The following DOCK9 variants were observed in gnomAD, a reference collection of about 807,000 sequenced individuals.
The protein encoded by DOCK9 is dedicator of cytokinesis protein 9.
A neutral mutation model predicts 263.3 loss-of-function variants in DOCK9; 89 were observed. That is an observed-to-expected ratio of 0.34 (90% CI 0.28 to 0.40). The LOEUF is 0.40. DOCK9 is among the 10% of genes least tolerant of loss of function. The probability of loss-of-function intolerance (pLI) is 1.00; values close to 1 mark genes in which losing one functional copy is unlikely to be tolerated. For missense variants in DOCK9, 2,140 were observed against 2,603.4 expected (o/e 0.82, Z 3.87); for synonymous variants, 976 against 973.1 (o/e 1.00, Z -0.06).
chr13:98,999,403 A>T (rs958544525), intron 1 of DOCK9, among the ~76,000 whole-genome samples: 1 of 152,184 alleles, frequency 6.6e-6, no homozygotes, highest in Non-Finnish European at 1.5e-5. Flanking sequence ...AAATAGTTTT[A>T]AATTGGCTTT....
At chr13:99,082,344 C>A (rs963417704) in intron 1 of DOCK9, among the ~76,000 whole-genome samples, 1 of 151,896 alleles carries the variant, frequency 6.6e-6, no homozygotes, top group Non-Finnish European at 1.5e-5. Context: ...TTGGCAAAAC[C>A]CCGTCTCTAC....
rs1880421827 is a variant in DOCK9 at position 98,993,994 on chromosome 13, T to C, written c.130-38443A>G. ...TAATGTGAGATTGCGGGCAATCCAA[T>C]TCACAGGAGTAAATGTGTGATTGAA... On this transcript the variant is annotated intron_variant, in intron 1 of 32. Coordinates refer to the DOCK9 transcript ENST00000427887. Among the ~76,000 whole-genome samples, 2 of 152,190 alleles carry C rather than the reference T, an allele frequency of 1.3e-5. 1 individual carries two copies.
chr13:98,985,827 C>A (rs1398916678), intron 1 of DOCK9, among the ~76,000 whole-genome samples: 1 of 152,168 alleles, frequency 6.6e-6, no homozygotes, highest in Non-Finnish European at 1.5e-5. Flanking sequence ...AGGGGGCTAT[C>A]CCCCTACCCC....
chr13:98,818,887 A>G (rs1423497645), intron 45 of DOCK9, among the ~76,000 whole-genome samples: 1 of 152,144 alleles, frequency 6.6e-6, no homozygotes, highest in Non-Finnish European at 1.5e-5. Flanking sequence ...GCATGAGCCT[A>G]TGTCTGTGCA....
chr13:98,859,751 G>GTATATATATATATATATATATATATATA (rs544974823), intron 33 of DOCK9: 1 of 139,384 alleles, frequency 7.2e-6, no homozygotes, highest in Non-Finnish European at 1.5e-5. Context: ...GTGTGTGTGT[G>GTATATATATATATATATATATATATATA]TGTATATATA....
intron 40 of DOCK9, 42 bp from the exon 41 acceptor site, chr13:98,831,572 G>C: frequency 6.3e-7 from 1 of 1,591,190 alleles, no homozygotes; most frequent in Non-Finnish European, 8.6e-7. Context: ...CCACAGACAG[G>C]TCAGTGCTCG....
chr13:98,970,308 T>C (rs2059610442), intron 1 of DOCK9, among the ~76,000 whole-genome samples: 1 of 152,148 alleles, frequency 6.6e-6, no homozygotes, highest in Admixed American at 6.5e-5. Context: ...CGTCTCTGTT[T>C]TAGAAAGAGT....
chr13:98,906,253 A>G (rs1368966310), intron 9 of DOCK9, among the ~76,000 whole-genome samples: 2 of 152,038 alleles, frequency 1.3e-5, no homozygotes, highest in Non-Finnish European at 2.9e-5. Flanking sequence ...AGAGGGTGAA[A>G]GTGAGTCTGA....
At position 98,837,677 on chromosome 13, in the gene DOCK9, G is replaced by A. The variant is rs1210192660; in HGVS notation, c.4199-68C>T. 4.9e-6 allele frequency: 5 copies of A among 1,025,162 alleles called. No individual in the cohort carries two copies. In the African/African-American group the frequency reaches 8.7e-5, roughly 18 times the overall value. 63.5% of individuals were successfully genotyped at this position (1,025,162 alleles called of 1,614,324 possible). A position where few individuals can be genotyped will look rare whatever the true frequency, so the allele number is the denominator to read the frequency against. On this transcript the variant is annotated intron_variant, in intron 38 of 52. Transcript: ENST00000682017. ...AGGCAAGGCTGGCAGGATGCGGTAG[G>A]CACAGTCAACTTTTGATTATTCAGA...
At chr13:98,831,608 A>C in intron 40 of DOCK9, 41 bp downstream of exon 40, 1 of 1,604,558 alleles carries the variant, frequency 6.2e-7, no homozygotes, top group South Asian at 1.1e-5. Flanking sequence ...ATTCCGGGGG[A>C]AGAAGGAAAA....
In DOCK9 at chr13:98,873,286, A is replaced by C. The variant is rs74111315; in HGVS notation, c.2944-4909T>G. 9.1e-4 allele frequency among the ~76,000 whole-genome samples: 138 copies of C among 152,342 alleles called. 1 individual carries two copies. The highest frequency in any genetic ancestry group is 3.1e-3 in the African/African-American group (128 of 41,568). On this transcript the variant is annotated intron_variant, in intron 27 of 52. Coordinates refer to ENST00000682017, the MANE Select transcript of DOCK9 (RefSeq NM_001366683.2). ...AAAAGCTTAGGCTTATGGTTTCAGCAGATTGGTACTCACAAATCTATTTCT... is the reference window on the plus strand; with the variant it reads ...AAAAGCTTAGGCTTATGGTTTCAGCCGATTGGTACTCACAAATCTATTTCT...
In DOCK9 at chr13:98,955,401, G is replaced by A. The variant is rs199634260; in HGVS notation, c.243+34C>T. ...AATACTGCTTGTTAAGATCAAACAC[G>A]TGGTTCTACGGATAGAAACATAACG... On this transcript the variant is annotated intron_variant, in intron 2 of 52. Transcript: ENST00000682017. The A allele has an allele frequency of 5.0e-5, 69 of 1,390,512 alleles. No homozygotes were observed. The East Asian group carries it at 5.0e-4, about 10-fold the overall frequency. 86.1% of individuals were successfully genotyped at this position (1,390,512 alleles called of 1,614,324 possible).
At chr13:99,087,326 A>G (rs2042370917), upstream of DOCK9, among the ~76,000 whole-genome samples, 1 of 152,124 alleles carries the variant, frequency 6.6e-6, no homozygotes. Context: ...CAGCTGCGTC[A>G]CCTTGGACGT....
At chr13:99,038,292 T>TCC (rs1566338386) in intron 1 of DOCK9, among the ~76,000 whole-genome samples, 2 of 33,314 alleles carry the variant, frequency 6.0e-5, no homozygotes, top group South Asian at 2.2e-3. Flanking sequence ...GCCCCCCTTT[T>TCC]TTTTTTTTTT....
intron 1 of DOCK9, among the ~76,000 whole-genome samples, chr13:99,003,378 C>G (rs1414173835): frequency 6.6e-6 from 1 of 152,190 alleles, no homozygotes; most frequent in African/African-American, 2.4e-5. Context: ...CTTCCAGGGC[C>G]CTTGGCTCTT....
At chr13:98,952,967 G>C (rs1193583760) in intron 2 of DOCK9, among the ~76,000 whole-genome samples, 1 of 152,122 alleles carries the variant, frequency 6.6e-6, no homozygotes, top group Non-Finnish European at 1.5e-5. Flanking sequence ...AATCTAATTT[G>C]TTCCCTCTGC....
intron 48 of DOCK9, among the ~76,000 whole-genome samples, chr13:98,806,908 CAAAA>C (rs35437169): frequency 7.9e-6 from 1 of 126,680 alleles, no homozygotes. Context: ...GACTCCATCT[CAAAA>C]AAAAAAAAAA....
chr13:98,817,362 CTG>C (rs2091937860), intron 45 of DOCK9, among the ~76,000 whole-genome samples: 1 of 151,064 alleles, frequency 6.6e-6, no homozygotes, highest in Non-Finnish European at 1.5e-5. Flanking sequence ...ACCTGCGGAA[CTG>C]TGAGTCAATT....
intron 34 of DOCK9, among the ~76,000 whole-genome samples, 186 bp from the exon 35 acceptor site, chr13:98,853,708 C>T (rs571939338): frequency 6.6e-6 from 1 of 152,252 alleles, no homozygotes; most frequent in Admixed American, 6.5e-5. Flanking sequence ...TCAGATGCTG[C>T]CCATGGAAGC....
Sources: allele counts gnomAD v4.1 joint callset (sites outside exome capture counted in the v4.1 genomes callset), GRCh38; gene constraint gnomAD v4.1.1; transcripts MANE v1.5; gene names NCBI Gene and HGNC (gene_info 2026-07-23, HGNC 2026-07-21).